PCDHGA4: variants seen among roughly 807,000 people sequenced by gnomAD.
PCDHGA4 encodes the protein protocadherin gamma-A4.
Under a neutral mutation model 54.6 loss-of-function variants are expected in PCDHGA4, and 38 were observed. The ratio of observed to expected loss-of-function variants is 0.70; its 90% CI spans 0.54 to 0.91. The LOEUF is 0.91. Among genes scored for constraint, PCDHGA4 ranks in the 40% least tolerant of loss-of-function variants. The pLI, the probability that PCDHGA4 is intolerant of heterozygous loss-of-function variation, is 0.00. For missense variants in PCDHGA4, 1,298 were observed against 1,220.9 expected, an observed-to-expected ratio of 1.06 and a Z score of -0.94; for synonymous variants, 511 against 512.9, an observed-to-expected ratio of 1.00 and a Z score of 0.05.
In PCDHGA4 at chr5:141,490,134, C is replaced by G; in HGVS notation, c.2515-4673C>G. On this transcript the variant is annotated intron_variant, in intron 1 of 3. Transcript: ENST00000571252. This position sits in a 1 kb window ranked among gnomAD's most constrained non-coding sequence, Gnocchi z 5.4. ...GGAACCTCTTTGGCCTAGACCCTAG[C>G]AGTGGGGCAATCCATGTGTTGGGTC... The G allele has an allele frequency of 1.2e-6, 2 of 1,614,232 alleles. No homozygotes were observed. The highest frequency in any genetic ancestry group is 1.7e-6 in the Non-Finnish European group (2 of 1,180,030).
intron 1 of PCDHGA4, chr5:141,407,971 G>T (rs1399304138): frequency 2.8e-6 from 2 of 717,762 alleles, no homozygotes; most frequent in Non-Finnish European, 4.3e-6. Context: ...AAGCGCTGAC[G>T]CCGGGGATCC....
Position 141,431,364 on chromosome 5 carries a change from G to T in PCDHGA4, c.2515-63443G>T, listed in dbSNP as rs773688069. 3 of 1,613,892 alleles carry T rather than the reference G, an allele frequency of 1.9e-6. No individual in the cohort carries two copies. The East Asian group carries it at 6.7e-5, about 36-fold the overall frequency. ...TTGGTGCTGAAACGCGCCCTGGACC[G>T]CGAAGAAAAGGCTGCTCACCACCTG... On this transcript the variant is annotated intron_variant, in intron 1 of 3. Coordinates refer to ENST00000571252, the MANE Select transcript of PCDHGA4 (RefSeq NM_018917.4). The surrounding 1 kb of genome is among the most constrained non-coding windows in gnomAD (Gnocchi z 4.8).
Position 141,490,526 on chromosome 5 carries a change from C to T in PCDHGA4, c.2515-4281C>T, listed in dbSNP as rs1270447529. 6.2e-7 allele frequency: 1 copy of T among 1,614,116 alleles called. No homozygotes were observed. Among genetic ancestry groups the T allele is most frequent in the Non-Finnish European group, 8.5e-7 (1 of 1,180,008 alleles). ...ATCATCGAGCTGCTGGCCAGCGATGCTGGTTCACCTTCCCTACACAAACAT... is the reference window on the plus strand; with the variant it reads ...ATCATCGAGCTGCTGGCCAGCGATGTTGGTTCACCTTCCCTACACAAACAT... On this transcript the variant is annotated intron_variant, in intron 1 of 3. Coordinates refer to ENST00000571252, the MANE Select transcript of PCDHGA4 (RefSeq NM_018917.4). The surrounding 1 kb of genome is among the most constrained non-coding windows in gnomAD (Gnocchi z 5.4).
At chr5:141,429,523 A>G (rs1009016050) in intron 1 of PCDHGA4, among the ~76,000 whole-genome samples, 1 of 152,174 alleles carries the variant, frequency 6.6e-6, no homozygotes, top group Non-Finnish European at 1.5e-5. Context: ...CAGAGAAAAA[A>G]GCTTAAAAAA....
intron 1 of PCDHGA4, among the ~76,000 whole-genome samples, chr5:141,369,555 A>C (rs1302531724): frequency 6.6e-6 from 1 of 152,218 alleles, no homozygotes; most frequent in Non-Finnish European, 1.5e-5. Flanking sequence ...AGACACTTGG[A>C]AACAAAGGAA....
chr5:141,409,990 C>T (rs377295503), intron 1 of PCDHGA4: 1 of 1,613,160 alleles, frequency 6.2e-7, no homozygotes, highest in Non-Finnish European at 8.5e-7. Flanking sequence ...CGGTGGACGC[C>T]GACTCGGGAC....
chr5:141,371,362 A>G (rs1767701466), intron 1 of PCDHGA4: 1 of 1,614,014 alleles, frequency 6.2e-7, no homozygotes, highest in Non-Finnish European at 8.5e-7. Context: ...GAAGCAAAGG[A>G]TGGTGGACAT....
chr5:141,435,929 G>A (rs926025053), intron 1 of PCDHGA4, among the ~76,000 whole-genome samples: 10 of 152,134 alleles, frequency 6.6e-5, no homozygotes, highest in African/African-American at 2.4e-4. Flanking sequence ...TGCGGCAGTT[G>A]CTGCTTCTGA....
chr5:141,395,310 A>T (rs752171326), intron 1 of PCDHGA4: 1 of 1,502,292 alleles, frequency 6.7e-7, no homozygotes, highest in African/African-American at 1.4e-5. Context: ...TTTGAAAAAC[A>T]TTGTGAAGAT....
intron 2 of PCDHGA4, among the ~76,000 whole-genome samples, chr5:141,499,689 CTTTTTT>C (rs545067566): frequency 3.3e-5 from 4 of 119,854 alleles, no homozygotes; most frequent in Admixed American, 8.7e-5. Flanking sequence ...TAACAGATGA[CTTTTTT>C]TTTTTTTTTT....
At chr5:141,471,185 A>G (rs58340688) in intron 1 of PCDHGA4, 16,257 of 151,174 alleles carry the variant, frequency 0.11, 890 homozygotes, top group South Asian at 0.15. Context: ...TAGTAGCTGG[A>G]ATTACAGGCA....
At chr5:141,379,475 T>C (rs192049867) in intron 1 of PCDHGA4, 35 of 152,390 alleles carry the variant, frequency 2.3e-4, no homozygotes, top group African/African-American at 8.2e-4. Flanking sequence ...GTGTGAATGT[T>C]ATTTTACTAT....
At position 141,491,456 on chromosome 5, in the gene PCDHGA4, C is replaced by G; in HGVS notation, c.2515-3351C>G. On this transcript the variant is annotated intron_variant, in intron 1 of 3. Transcript: ENST00000571252. The surrounding 1 kb of genome is among the most constrained non-coding windows in gnomAD (Gnocchi z 6.9). Reference sequence around the variant, plus strand: ...TGCAGGCGCCAGGACTCACCCTCCCCGGACTTCTATAAGCAGTCCAGCCCC... The same window carrying G: ...TGCAGGCGCCAGGACTCACCCTCCCGGGACTTCTATAAGCAGTCCAGCCCC... 1 of 1,614,104 alleles carries G rather than the reference C, an allele frequency of 6.2e-7. No homozygotes were observed. The highest frequency in any genetic ancestry group is 8.5e-7 in the Non-Finnish European group (1 of 1,180,010).
chr5:141,422,043 G>A (rs1307532347), intron 1 of PCDHGA4: 13 of 1,611,504 alleles, frequency 8.1e-6, no homozygotes, highest in African/African-American at 1.3e-5. Flanking sequence ...ATCCAGACGA[G>A]GGAATCAACG....
At chr5:141,362,637 TTGTC>T (rs1762610119) in intron 1 of PCDHGA4, 48 of 1,479,318 alleles carry the variant, frequency 3.2e-5, no homozygotes, top group Non-Finnish European at 4.2e-5. Context: ...GCGTATTTCT[TTGTC>T]TGTGAGTTAG....
intron 1 of PCDHGA4, among the ~76,000 whole-genome samples, chr5:141,475,504 T>C (rs1202550150): frequency 1.3e-5 from 2 of 152,254 alleles, no homozygotes; most frequent in Non-Finnish European, 2.9e-5. Flanking sequence ...AAATTATTAA[T>C]GTCTCCACGG....
chr5:141,366,025 C>T (rs1764265075), intron 1 of PCDHGA4: 1 of 1,614,128 alleles, frequency 6.2e-7, no homozygotes, highest in Non-Finnish European at 8.5e-7. Context: ...TCCTGTACCC[C>T]GCCCTCCCCA....
At chr5:141,372,565 A>T (rs1005971734) in intron 1 of PCDHGA4, 4 of 1,614,038 alleles carry the variant, frequency 2.5e-6, no homozygotes, top group Non-Finnish European at 3.4e-6. Context: ...CCCGCCACTG[A>T]GGGCTACTTT....
Position 141,355,062 on chromosome 5 carries a change from GC to G in PCDHGA4, c.-45del. The G allele has an allele frequency of 7.6e-7, 1 of 1,307,734 alleles. No homozygotes were observed. The highest frequency in any genetic ancestry group is 1.0e-6 in the Non-Finnish European group (1 of 972,030). The allele number at this position is 1,307,734 out of a possible 1,614,324, so 81.0% of individuals were successfully genotyped here. On this transcript the variant is annotated 5_prime_UTR_variant, in exon 1 of 4. Coordinates refer to ENST00000571252, the MANE Select transcript of PCDHGA4 (RefSeq NM_018917.4). ...TGCAGCACAAAGCACTGGCTCTGGA[GC>G]TTTATGAAAGCTTCAAGCGGAAGCC...
Sources: allele counts gnomAD v4.1 joint callset (sites outside exome capture counted in the v4.1 genomes callset), GRCh38; gene constraint gnomAD v4.1.1; non-coding constraint Gnocchi (gnomAD v3.1); transcripts MANE v1.5; gene names NCBI Gene and HGNC (gene_info 2026-07-23, HGNC 2026-07-21).